PCDH9: variants seen among roughly 807,000 people sequenced by gnomAD.
PCDH9 encodes protocadherin 9.
Under a neutral mutation model 70.6 loss-of-function variants are expected in PCDH9, and 24 were observed. The observed-to-expected ratio is 0.34, with a 90% CI of 0.25 to 0.48. PCDH9 has a LOEUF of 0.48. Ranked by LOEUF, PCDH9 falls within the 20% of genes least tolerant of loss-of-function variation. The pLI is 0.99. For synonymous variants in PCDH9, 562 were observed against 558.5 expected (o/e 1.01, Z -0.09); for missense variants, 1,281 against 1,503.6 (o/e 0.85, Z 2.45).
intron 2 of PCDH9, among the ~76,000 whole-genome samples, chr13:67,096,540 A>G (rs2086324300): frequency 6.6e-6 from 1 of 152,202 alleles, no homozygotes; most frequent in Non-Finnish European, 1.5e-5. Context: ...AAGGAAGAGG[A>G]TCCTGATTAA....
At chr13:66,306,016 C>G (rs1955458531) in intron 4 of PCDH9, among the ~76,000 whole-genome samples, 1 of 151,814 alleles carries the variant, frequency 6.6e-6, no homozygotes, top group African/African-American at 2.4e-5. Flanking sequence ...TGTCTTACCC[C>G]CCTTGATTAA....
intron 3 of PCDH9, among the ~76,000 whole-genome samples, chr13:66,673,095 T>C (rs1238152178): frequency 1.3e-5 from 2 of 152,128 alleles, no homozygotes; most frequent in African/African-American, 4.8e-5. Context: ...CAAAATGATA[T>C]GGTTCTGCTG....
chr13:66,775,485 G>A (rs1295477360), intron 3 of PCDH9, among the ~76,000 whole-genome samples: 1 of 152,082 alleles, frequency 6.6e-6, no homozygotes, highest in Non-Finnish European at 1.5e-5. Flanking sequence ...ACTTGTACAT[G>A]GATTTCCTTT....
At chr13:66,562,399 C>G (rs4386018) in intron 4 of PCDH9, among the ~76,000 whole-genome samples, 149,429 of 152,178 alleles carry the variant, frequency 0.98, 73,424 homozygotes, top group Non-Finnish European at 1. Context: ...GTTCTCAAGC[C>G]GCTAATAAAG....
intron 2 of PCDH9, among the ~76,000 whole-genome samples, chr13:66,973,146 T>C (rs1013607926): frequency 1.3e-5 from 2 of 151,946 alleles, no homozygotes; most frequent in African/African-American, 4.8e-5. Context: ...CTGGGAGAAT[T>C]AGCTCTTTGA....
At chr13:66,994,607 G>T (rs1256425345) in intron 2 of PCDH9, among the ~76,000 whole-genome samples, 2 of 152,132 alleles carry the variant, frequency 1.3e-5, no homozygotes, top group Non-Finnish European at 2.9e-5. Flanking sequence ...ACAAGCTGAG[G>T]TACTGACTCC....
At chr13:67,161,350 A>G (rs2087953353) in intron 2 of PCDH9, among the ~76,000 whole-genome samples, 1 of 152,222 alleles carries the variant, frequency 6.6e-6, no homozygotes, top group Admixed American at 6.5e-5. Context: ...CAGCCTCAGA[A>G]GAGTGTCGGG....
In PCDH9 at chr13:66,804,372, T is replaced by C. The variant is rs1363578156; in HGVS notation, c.3138+99132A>G. 2.0e-5 allele frequency among the ~76,000 whole-genome samples: 3 copies of C among 152,122 alleles called. No homozygotes were observed. In the East Asian group the frequency reaches 5.8e-4, roughly 29 times the overall value. On this transcript the variant is annotated intron_variant, in intron 3 of 4. Transcript: ENST00000377865. ...GAGACTGGTCATTTGGCATAAACAA[T>C]GAGAAAATAATACCTTTCAAGACAC...
At chr13:66,735,693 G>T (rs535267483) in intron 3 of PCDH9, among the ~76,000 whole-genome samples, 20 of 152,308 alleles carry the variant, frequency 1.3e-4, no homozygotes, top group African/African-American at 4.8e-4. Context: ...GCCGGGCACA[G>T]TGGCTCATGC....
chr13:66,630,951 A>G (rs1437739371), intron 4 of PCDH9, among the ~76,000 whole-genome samples: 3 of 152,140 alleles, frequency 2.0e-5, no homozygotes, highest in Non-Finnish European at 4.4e-5. Flanking sequence ...CTTGCAACAA[A>G]TGGCTTCTTT....
At chr13:66,751,517 C>A (rs376524953) in intron 3 of PCDH9, among the ~76,000 whole-genome samples, 3 of 152,090 alleles carry the variant, frequency 2.0e-5, no homozygotes, top group East Asian at 1.9e-4. Flanking sequence ...AGTTCATGTA[C>A]CCAAAACATA....
chr13:66,910,423 G>A (rs1241859674), intron 2 of PCDH9, among the ~76,000 whole-genome samples: 1 of 152,162 alleles, frequency 6.6e-6, no homozygotes, highest in African/African-American at 2.4e-5. Context: ...TGGGTCACTT[G>A]TAAAGTGTTT....
At chr13:66,972,332 T>C (rs2083538770) in intron 2 of PCDH9, among the ~76,000 whole-genome samples, 1 of 151,950 alleles carries the variant, frequency 6.6e-6, no homozygotes, top group Non-Finnish European at 1.5e-5. Context: ...ACACAAATAG[T>C]AGTAGAAGAG....
chr13:66,707,908 T>G (rs1211112232), intron 3 of PCDH9, among the ~76,000 whole-genome samples: 2 of 152,216 alleles, frequency 1.3e-5, no homozygotes, highest in Non-Finnish European at 2.9e-5. Flanking sequence ...TTTTGCTTGT[T>G]TATCTTCACA....
At chr13:67,091,414 C>G (rs1009684214) in intron 2 of PCDH9, among the ~76,000 whole-genome samples, 1 of 152,070 alleles carries the variant, frequency 6.6e-6, no homozygotes, top group South Asian at 2.1e-4. Flanking sequence ...TTCTAAACCT[C>G]CAACTACAAA....
At chr13:67,176,906 G>T (rs1594616573) in intron 2 of PCDH9, among the ~76,000 whole-genome samples, 1 of 152,152 alleles carries the variant, frequency 6.6e-6, no homozygotes, top group East Asian at 1.9e-4. Context: ...ATATGCTATA[G>T]GGATTTGCTG....
chr13:66,935,684 A>G (rs966613784), intron 2 of PCDH9, among the ~76,000 whole-genome samples: 3 of 152,192 alleles, frequency 2.0e-5, no homozygotes, highest in Non-Finnish European at 4.4e-5. Context: ...AAGAATACTT[A>G]GCTCAAACTA....
chr13:66,620,593 A>T (rs1566460415), intron 4 of PCDH9, among the ~76,000 whole-genome samples: 2 of 152,100 alleles, frequency 1.3e-5, no homozygotes, highest in Non-Finnish European at 2.9e-5. Flanking sequence ...TCCAAGGCTT[A>T]TTCTATGCTA....
At chr13:66,736,977 A>C (rs7327039) in intron 3 of PCDH9, among the ~76,000 whole-genome samples, 1 of 152,048 alleles carries the variant, frequency 6.6e-6, no homozygotes, top group Non-Finnish European at 1.5e-5. Flanking sequence ...CATATAAAAT[A>C]TACGTTCCTG....
Sources: allele counts gnomAD v4.1 joint callset (sites outside exome capture counted in the v4.1 genomes callset), GRCh38; gene constraint gnomAD v4.1.1; transcripts MANE v1.5; gene names NCBI Gene and HGNC (gene_info 2026-07-23, HGNC 2026-07-21).